SLC14A2: variants seen among roughly 807,000 people sequenced by gnomAD.
SLC14A2 encodes urea transporter 2.
A neutral mutation model predicts 104.6 loss-of-function variants in SLC14A2; 91 were observed. That is an observed-to-expected ratio of 0.87 (90% CI 0.73 to 1.04). The LOEUF is 1.04. Ranked by LOEUF, SLC14A2 falls within the 50% of genes least tolerant of loss-of-function variation. The pLI is 0.00. For synonymous variants in SLC14A2, 476 were observed against 466.4 expected (o/e 1.02, Z -0.27); for missense variants, 1,189 against 1,156.0 (o/e 1.03, Z -0.41).
chr18:45,564,188 C>T (rs146622958), intron 2 of SLC14A2, among the ~76,000 whole-genome samples: 5 of 152,300 alleles, frequency 3.3e-5, no homozygotes, highest in African/African-American at 1.2e-4. Context: ...TTTGCATGAT[C>T]GAGTGTATTC....
intron 1 of SLC14A2, among the ~76,000 whole-genome samples, chr18:45,251,171 A>AC (rs1363143268): frequency 1.3e-5 from 2 of 151,930 alleles, no homozygotes; most frequent in African/African-American, 2.4e-5. Context: ...TTTATCCCTC[A>AC]CCCTCTTCCT....
At chr18:45,528,971 G>A (rs1434709044) in intron 2 of SLC14A2, 1 of 152,222 alleles carries the variant, frequency 6.6e-6, no homozygotes, top group Non-Finnish European at 1.5e-5. Flanking sequence ...CGGCTATAAA[G>A]AAGCATAGGC....
intron 1 of SLC14A2, among the ~76,000 whole-genome samples, chr18:45,302,197 C>T (rs2084975186): frequency 6.6e-6 from 1 of 152,196 alleles, no homozygotes; most frequent in African/African-American, 2.4e-5. Context: ...GGCTCTTGGG[C>T]AATATTTGTT....
chr18:45,587,722 G>A (rs1390010269), intron 2 of SLC14A2, among the ~76,000 whole-genome samples: 3 of 152,294 alleles, frequency 2.0e-5, no homozygotes, highest in Non-Finnish European at 4.4e-5. Context: ...TGCCCAGGAA[G>A]GTGAAGTGAC....
intron 1 of SLC14A2, among the ~76,000 whole-genome samples, chr18:45,475,617 A>T (rs2087346954): frequency 1.4e-5 from 1 of 70,220 alleles, no homozygotes. Flanking sequence ...ATATATATTT[A>T]GGATATATAT....
intron 1 of SLC14A2, among the ~76,000 whole-genome samples, chr18:45,236,875 T>G (rs1284739450): frequency 1.3e-5 from 2 of 152,152 alleles, no homozygotes; most frequent in Non-Finnish European, 2.9e-5. Context: ...CTGTGATAGC[T>G]TAGCAGAGTC....
intron 2 of SLC14A2, among the ~76,000 whole-genome samples, chr18:45,590,813 G>C (rs1319080741): frequency 1.3e-5 from 2 of 152,224 alleles, no homozygotes; most frequent in Non-Finnish European, 2.9e-5. Flanking sequence ...AGTGTGCTAA[G>C]GCACTGTTCT....
At chr18:45,477,916 G>A (rs2087415577) in intron 1 of SLC14A2, among the ~76,000 whole-genome samples, 1 of 152,232 alleles carries the variant, frequency 6.6e-6, no homozygotes. Flanking sequence ...TTAGCTTGCT[G>A]GGCTCCATAG....
intron 1 of SLC14A2, chr18:45,435,397 T>C (rs1598809595): frequency 6.6e-6 from 1 of 152,316 alleles, no homozygotes; most frequent in African/African-American, 2.4e-5. Flanking sequence ...GTCAATTACA[T>C]TTATTATTAC....
intron 2 of SLC14A2, among the ~76,000 whole-genome samples, chr18:45,590,445 T>C (rs1193948345): frequency 1.3e-5 from 2 of 152,208 alleles, no homozygotes; most frequent in Non-Finnish European, 2.9e-5. Context: ...AACTATTGCA[T>C]GTTTATTTTC....
intron 1 of SLC14A2, among the ~76,000 whole-genome samples, chr18:45,438,521 G>A (rs1314915753): frequency 1.3e-5 from 2 of 152,190 alleles, no homozygotes; most frequent in African/African-American, 4.8e-5. Flanking sequence ...AAAAGTGAGA[G>A]CAAAAGAGAG....
chr18:45,477,199 T>C (rs1018688304), intron 1 of SLC14A2, among the ~76,000 whole-genome samples: 1 of 152,220 alleles, frequency 6.6e-6, no homozygotes, highest in African/African-American at 2.4e-5. Flanking sequence ...ATGATGCTAT[T>C]CCTTTCTGTT....
At chr18:45,412,269 T>A (rs1161214519) in intron 1 of SLC14A2, among the ~76,000 whole-genome samples, 1 of 152,158 alleles carries the variant, frequency 6.6e-6, no homozygotes, top group East Asian at 1.9e-4. Context: ...CAGTGAACAA[T>A]GTTTTATCCT....
At position 45,371,625 on chromosome 18, in the gene SLC14A2, C is replaced by T. The variant is rs184437193; in HGVS notation, c.-124-111608C>T. 2.3e-3 allele frequency among the ~76,000 whole-genome samples: 354 copies of T among 152,306 alleles called. 1 individual carries two copies. Among genetic ancestry groups the T allele is most frequent in the Non-Finnish European group, 3.2e-3 (220 of 68,028 alleles). ...TATACAAACGTTGGTCTTTCTGACCCTAGAGCCTATTCTCTAAAACCTTGT... is the reference window on the plus strand; with the variant it reads ...TATACAAACGTTGGTCTTTCTGACCTTAGAGCCTATTCTCTAAAACCTTGT... On this transcript the variant is annotated intron_variant, in intron 1 of 20. Transcript: ENST00000586448.
chr18:45,191,170 C>A, the SLC14A2 span, among the ~76,000 whole-genome samples: 1 of 152,132 alleles, frequency 6.6e-6, no homozygotes, highest in Admixed American at 6.5e-5. Flanking sequence ...CCAGTCCTCT[C>A]CCCCAATAGA....
chr18:45,506,788 T>C (rs1286923469), intron 2 of SLC14A2, among the ~76,000 whole-genome samples: 1 of 152,220 alleles, frequency 6.6e-6, no homozygotes, highest in East Asian at 1.9e-4. Context: ...ACCGAGTTTA[T>C]TGGTAATTTG....
chr18:45,410,876 G>A (rs2885618), intron 1 of SLC14A2, among the ~76,000 whole-genome samples: 33,855 of 152,132 alleles, frequency 0.22, 5,752 homozygotes, highest in African/African-American at 0.47. Context: ...TGTAGATGAC[G>A]TGATAGCATT....
At chr18:45,220,062 T>G (rs1277309228) in intron 1 of SLC14A2, among the ~76,000 whole-genome samples, 7 of 152,234 alleles carry the variant, frequency 4.6e-5, no homozygotes, top group African/African-American at 1.7e-4. Context: ...ACAGTAGGCA[T>G]GCAGTAGCTA....
In SLC14A2 at chr18:45,637,157, C is replaced by T; in HGVS notation, c.818C>T (p.Thr273Ile). Residue 273 changes from threonine (T) to isoleucine (I), a missense_variant, in exon 6 of 20, where the codon ACC becomes ATC. Thr to Ile is a moderately conservative substitution (Grantham distance 89). Coordinates refer to ENST00000255226, the MANE Select transcript of SLC14A2 (RefSeq NM_007163.4). ...VEPVSSVPNI[T>I]WTEMEMPLLL... The stretch of plus-strand genomic sequence containing the variant: ...CCTGTGTCTTCAGTGCCCAATATCA[C>T]CTGGACAGAGATGGAAATGCCCCTG... 1.2e-6 allele frequency: 2 copies of T among 1,614,110 alleles called. No homozygotes were observed. Among genetic ancestry groups the T allele is most frequent in the Non-Finnish European group, 1.7e-6 (2 of 1,179,954 alleles).
Sources: allele counts gnomAD v4.1 joint callset (sites outside exome capture counted in the v4.1 genomes callset), GRCh38; gene constraint gnomAD v4.1.1; transcripts MANE v1.5; gene names NCBI Gene and HGNC (gene_info 2026-07-23, HGNC 2026-07-21).